Variants in RASA1 observed in about 807,000 individuals in gnomAD.
RASA1 encodes the protein RAS p21 protein activator 1, also known as ras GTPase-activating protein 1.
A neutral mutation model predicts 132.2 loss-of-function variants in RASA1; 25 were observed. That is an observed-to-expected ratio of 0.19 (90% CI 0.14 to 0.26). The LOEUF (loss-of-function observed/expected upper bound fraction) is 0.26. RASA1 is among the 10% of genes least tolerant of loss of function. The pLI is 1.00. For missense variants in RASA1, 964 were observed against 1,299.2 expected, an observed-to-expected ratio of 0.74 and a Z score of 3.97; for synonymous variants, 477 against 449.9, an observed-to-expected ratio of 1.06 and a Z score of -0.76.
chr5:87,311,180 C>G (rs1755888768), intron 1 of RASA1, among the ~76,000 whole-genome samples: 1 of 152,144 alleles, frequency 6.6e-6, no homozygotes, highest in African/African-American at 2.4e-5. Flanking sequence ...AAATAGCTGA[C>G]AAACTATGGT....
intron 1 of RASA1, among the ~76,000 whole-genome samples, chr5:87,287,529 A>G (rs1049884645): frequency 2.0e-5 from 3 of 148,914 alleles, no homozygotes; most frequent in African/African-American, 4.9e-5. Context: ...TATATACCAT[A>G]TATATACCAT....
chr5:87,313,250 G>C lies in RASA1; in HGVS notation c.540-18098G>C, dbSNP rs116459975. Among the ~76,000 whole-genome samples, 1,396 of 152,302 alleles carry C rather than the reference G, an allele frequency of 9.2e-3. 26 individuals carry two copies. Among genetic ancestry groups the C allele is most frequent in the African/African-American group, 0.031 (1,297 of 41,554 alleles). ...TCACTTTGGGCACAGGTGGTCTTTA[G>C]CTAATCTAATATCTTTGAGGTGGCT... On this transcript the variant is annotated intron_variant, in intron 1 of 24. Coordinates refer to ENST00000274376, the MANE Select transcript of RASA1 (RefSeq NM_002890.3).
At chr5:87,270,467 C>T (rs1246840078) in intron 1 of RASA1, among the ~76,000 whole-genome samples, 2 of 150,130 alleles carry the variant, frequency 1.3e-5, no homozygotes, top group Non-Finnish European at 3.0e-5. Context: ...CCTGCTTCAG[C>T]CTCTCTAGTA....
chr5:87,361,418 A>G (rs756347345), intron 9 of RASA1, among the ~76,000 whole-genome samples: 14 of 152,342 alleles, frequency 9.2e-5, no homozygotes, highest in Non-Finnish European at 1.9e-4. Context: ...ATAGAGGATT[A>G]TGAAAATCCC....
intron 1 of RASA1, 172 bp downstream of exon 1, chr5:87,269,162 C>T: frequency 6.2e-7 from 1 of 1,612,356 alleles, no homozygotes; most frequent in Middle Eastern, 1.7e-4. Flanking sequence ...TCCTTACAGG[C>T]ATACTACCTG....
chr5:87,283,293 C>A (rs959101863), intron 1 of RASA1, among the ~76,000 whole-genome samples: 20 of 151,540 alleles, frequency 1.3e-4, no homozygotes, highest in African/African-American at 4.6e-4. Context: ...TTAATGATAG[C>A]TGATTGAAAA....
chr5:87,287,356 C>T (rs1202330824), intron 1 of RASA1, among the ~76,000 whole-genome samples: 17 of 145,490 alleles, frequency 1.2e-4, no homozygotes, highest in African/African-American at 4.3e-4. Flanking sequence ...ACCATATATA[C>T]ACCATATATA....
chr5:87,323,475 G>T (rs955687914), intron 1 of RASA1, among the ~76,000 whole-genome samples: 3 of 152,156 alleles, frequency 2.0e-5, no homozygotes, highest in Non-Finnish European at 4.4e-5. Context: ...GATACCAGAT[G>T]AAAGGACAGA....
At chr5:87,362,748 T>C (rs112674424) in intron 10 of RASA1, 77 bp downstream of exon 10, 1 of 1,494,984 alleles carries the variant, frequency 6.7e-7, no homozygotes, top group Non-Finnish European at 9.3e-7. Flanking sequence ...TTGTGATATA[T>C]ATTTAATAAG....
At chr5:87,328,829 T>C (rs1757412996) in intron 1 of RASA1, among the ~76,000 whole-genome samples, 1 of 152,182 alleles carries the variant, frequency 6.6e-6, no homozygotes, top group Admixed American at 6.5e-5. Context: ...TTAAAGGTTA[T>C]ATAGTATTTT....
chr5:87,374,810 T>C lies in RASA1; in HGVS notation c.1935-30T>C, dbSNP rs745575768. 1.9e-6 allele frequency: 3 copies of C among 1,607,440 alleles called. No homozygotes were observed. The African/African-American group carries it at 4.0e-5, about 22-fold the overall frequency. ...AAGGTAGTTTGATGCCAAAACATTT[T>C]GTTAATTCTTTTTCTCCTTGCTCCT... On this transcript the variant is annotated intron_variant, in intron 14 of 24. Transcript: ENST00000274376.
In RASA1 at chr5:87,342,126, A is replaced by G. The variant is rs146576975; in HGVS notation, c.1049+805A>G. On this transcript the variant is annotated intron_variant, in intron 6 of 24. Coordinates refer to ENST00000274376, the MANE Select transcript of RASA1 (RefSeq NM_002890.3). ...TTAGTTTGAAGTCTCCTCTCTACCT[A>G]TATCAGGAGTTTCAAATTCTTTTTT... Among the ~76,000 whole-genome samples the G allele has an allele frequency of 1.3e-4, 19 of 148,998 alleles. 1 individual carries two copies. In the East Asian group the frequency reaches 3.5e-3, roughly 28 times the overall value.
chr5:87,338,536 A>ATATATTTTTTTTTTTTTTTTT, intron 5 of RASA1, among the ~76,000 whole-genome samples: 9 of 85,216 alleles, frequency 1.1e-4, no homozygotes, highest in African/African-American at 4.0e-4. Flanking sequence ...TATATATAAA[A>ATATATTTTTTTTTTTTTTTTT]TTTTTTTTTT....
chr5:87,308,201 G>A (rs1285459154), intron 1 of RASA1, among the ~76,000 whole-genome samples: 2 of 151,348 alleles, frequency 1.3e-5, no homozygotes, highest in Non-Finnish European at 2.9e-5. Context: ...GAGAATTCAT[G>A]CAAAAGACCC....
intron 20 of RASA1, 23 bp downstream of exon 20, chr5:87,380,618 T>C: frequency 2.0e-6 from 3 of 1,537,046 alleles, no homozygotes; most frequent in Non-Finnish European, 2.7e-6. Flanking sequence ...AATTGATTTG[T>C]TAAATCACAT....
intron 1 of RASA1, among the ~76,000 whole-genome samples, chr5:87,298,954 A>G (rs1473123044): frequency 6.6e-6 from 1 of 152,204 alleles, no homozygotes; most frequent in African/African-American, 2.4e-5. Context: ...ATAATTTGAG[A>G]ACTTCTGCAT....
At chr5:87,367,974 T>TAAA (rs56965674) in intron 11 of RASA1, among the ~76,000 whole-genome samples, 8 of 150,422 alleles carry the variant, frequency 5.3e-5, no homozygotes, top group African/African-American at 2.0e-4. Flanking sequence ...AACTATAAAT[T>TAAA]AAAAAAAAAA....
intron 14 of RASA1, 50 bp downstream of exon 14, chr5:87,374,370 A>G: frequency 6.5e-7 from 1 of 1,533,908 alleles, no homozygotes; most frequent in South Asian, 1.1e-5. Context: ...ACCATATTGC[A>G]TTTCTTTCTG....
In RASA1 at chr5:87,383,794, G is replaced by GT; in HGVS notation, c.2758+14_2758+15insT. 1 of 1,591,156 alleles carries GT rather than the reference G, an allele frequency of 6.3e-7. No homozygotes were observed. Among genetic ancestry groups the GT allele is most frequent in the African/African-American group, 1.4e-5 (1 of 73,966 alleles). On this transcript the variant is annotated intron_variant, in intron 21 of 24. Transcript: ENST00000274376. ...ATATCATCTCAGGTAATCAGCTTTT[G>GT]ATACATTTTGAAATTCAAAATATTA...
Sources: gnomAD v4.1 joint callset for allele counts (sites outside exome capture counted in the v4.1 genomes callset) on GRCh38, gnomAD v4.1.1 for gene constraint, MANE v1.5 for transcripts, NCBI Gene and HGNC (gene_info 2026-07-23, HGNC 2026-07-21) for gene names.